The following GRIP1 variants were observed in gnomAD, a reference collection of about 807,000 sequenced individuals.
GRIP1 encodes the protein glutamate receptor interacting protein 1.
A neutral mutation model predicts 129.9 loss-of-function variants in GRIP1; 45 were observed. The observed-to-expected ratio is 0.35, with a 90% CI of 0.27 to 0.44. The LOEUF (loss-of-function observed/expected upper bound fraction) is 0.44. Among genes scored for constraint, GRIP1 ranks in the 20% least tolerant of loss-of-function variants. GRIP1 has a pLI of 1.00. For missense variants in GRIP1, 1,196 were observed against 1,396.8 expected (o/e 0.86, Z 2.29); for synonymous variants, 530 against 520.8 (o/e 1.02, Z -0.24).
At chr12:66,361,911 C>T (rs1389313274) in intron 23 of GRIP1, among the ~76,000 whole-genome samples, 1 of 152,108 alleles carries the variant, frequency 6.6e-6, no homozygotes, top group Non-Finnish European at 1.5e-5. Context: ...CACCCACCCT[C>T]GGGGCCTGTG....
At chr12:66,958,121 A>T (rs1475890269) in intron 1 of GRIP1, among the ~76,000 whole-genome samples, 7 of 152,138 alleles carry the variant, frequency 4.6e-5, no homozygotes, top group Non-Finnish European at 1.0e-4. Context: ...TTTGAATGAA[A>T]TACATGGATT....
At chr12:66,596,113 T>A (rs2064039054) in intron 2 of GRIP1, among the ~76,000 whole-genome samples, 1 of 152,248 alleles carries the variant, frequency 6.6e-6, no homozygotes, top group Admixed American at 6.5e-5. Flanking sequence ...TTAATGCTTT[T>A]AACTCTTCTA....
chr12:67,034,357 G>A lies in GRIP1; in HGVS notation c.58+34693C>T, dbSNP rs893050542. On this transcript the variant is annotated intron_variant, in intron 1 of 1. Coordinates refer to the GRIP1 transcript ENST00000643019. The stretch of plus-strand genomic sequence containing the variant: ...GCTTAACGACAGGGATAAGTTCTAC[G>A]AAATGCATTGTTGTGCAAACATCAT... Among the ~76,000 whole-genome samples, 16 of 152,246 alleles carry A rather than the reference G, an allele frequency of 1.1e-4. 2 individuals carry two copies. The South Asian group carries it at 1.2e-3, about 12-fold the overall frequency.
intron 1 of GRIP1, among the ~76,000 whole-genome samples, chr12:66,750,523 G>A (rs550100283): frequency 2.6e-5 from 4 of 152,270 alleles, no homozygotes; most frequent in Admixed American, 6.5e-5. Context: ...AGGGGAGGAG[G>A]TCACAGGTCC....
chr12:66,820,176 C>T (rs1307976190), intron 1 of GRIP1, among the ~76,000 whole-genome samples: 2 of 152,230 alleles, frequency 1.3e-5, no homozygotes, highest in African/African-American at 4.8e-5. Context: ...TTTGGAAGGC[C>T]GAGGTGGGCA....
intron 1 of GRIP1, among the ~76,000 whole-genome samples, chr12:66,636,730 TG>T (rs2031423740): frequency 2.1e-5 from 3 of 143,678 alleles, no homozygotes; most frequent in Admixed American, 6.8e-5. Context: ...TGTGTGTGTG[TG>T]TGTGTGTGTG....
chr12:66,977,244 CT>C (rs202219341), intron 1 of GRIP1, among the ~76,000 whole-genome samples: 114 of 127,480 alleles, frequency 8.9e-4, no homozygotes, highest in African/African-American at 2.9e-3. Flanking sequence ...TCTTTTTTTT[CT>C]TTTTTTTTAT....
chr12:66,784,075 G>C (rs1213096722), intron 1 of GRIP1, among the ~76,000 whole-genome samples: 1 of 152,010 alleles, frequency 6.6e-6, no homozygotes, highest in East Asian at 1.9e-4. Flanking sequence ...GGGACAGCAG[G>C]GAAAATGGAC....
chr12:66,937,152 A>G (rs1286625559), intron 1 of GRIP1, among the ~76,000 whole-genome samples: 8 of 152,132 alleles, frequency 5.3e-5, no homozygotes, highest in Admixed American at 3.9e-4. Context: ...CCTCCCCGAG[A>G]TACCTGAGTG....
chr12:66,354,995 C>T (rs1403532695), intron 23 of GRIP1, among the ~76,000 whole-genome samples: 4 of 152,104 alleles, frequency 2.6e-5, no homozygotes, highest in African/African-American at 7.2e-5. Context: ...ATGGTGGGGA[C>T]GTGTCTGTGA....
At chr12:66,699,545 T>A (rs1393895829) in intron 1 of GRIP1, among the ~76,000 whole-genome samples, 1 of 152,170 alleles carries the variant, frequency 6.6e-6, no homozygotes, top group Non-Finnish European at 1.5e-5. Flanking sequence ...ATGTAAGACA[T>A]GACTTTGCTC....
intron 1 of GRIP1, among the ~76,000 whole-genome samples, chr12:66,896,036 A>C (rs758559439): frequency 1.2e-4 from 18 of 152,170 alleles, no homozygotes; most frequent in Non-Finnish European, 2.2e-4. Flanking sequence ...TTTTAGACAA[A>C]GGCAGGCATG....
At chr12:66,774,606 G>A (rs1249736023) in intron 1 of GRIP1, among the ~76,000 whole-genome samples, 1 of 152,128 alleles carries the variant, frequency 6.6e-6, no homozygotes, top group Non-Finnish European at 1.5e-5. Context: ...AAACTTTGGA[G>A]ATTTCTTTTT....
chr12:67,000,434 C>G (rs1279582702), intron 1 of GRIP1, among the ~76,000 whole-genome samples: 1 of 152,134 alleles, frequency 6.6e-6, no homozygotes, highest in Admixed American at 6.6e-5. Flanking sequence ...TATTGTGTAT[C>G]TGCTAATGTG....
intron 22 of GRIP1, among the ~76,000 whole-genome samples, chr12:66,374,526 T>C (rs1253762715): frequency 2.0e-5 from 3 of 152,202 alleles, no homozygotes; most frequent in Non-Finnish European, 4.4e-5. Flanking sequence ...ACAGCACTCA[T>C]TGGTTGTTTT....
chr12:66,543,583 C>T (rs569283001), intron 2 of GRIP1, among the ~76,000 whole-genome samples: 8 of 152,226 alleles, frequency 5.3e-5, no homozygotes, highest in South Asian at 2.1e-4. Flanking sequence ...TGAAAACATA[C>T]GTAGATTCAA....
intron 2 of GRIP1, among the ~76,000 whole-genome samples, chr12:66,546,475 G>A (rs971945120): frequency 1.3e-5 from 2 of 152,110 alleles, no homozygotes; most frequent in African/African-American, 4.8e-5. Context: ...GGGCGATAGA[G>A]TGATACCCTG....
At chr12:66,422,711 A>T (rs1017024676) in intron 14 of GRIP1, among the ~76,000 whole-genome samples, 1 of 152,198 alleles carries the variant, frequency 6.6e-6, no homozygotes, top group Non-Finnish European at 1.5e-5. Context: ...TCTTGGTCAA[A>T]CCTACACAGC....
At position 66,962,984 on chromosome 12, in the gene GRIP1, T is replaced by C. The variant is rs545663809; in HGVS notation, c.58+106066A>G. ...AGCTGCAAGCACAAATGTTCATAACTGGAAACTTACTAAGTTTATAATCAA... is the reference window on the plus strand; with the variant it reads ...AGCTGCAAGCACAAATGTTCATAACCGGAAACTTACTAAGTTTATAATCAA... On this transcript the variant is annotated intron_variant, in intron 1 of 1. Coordinates refer to the GRIP1 transcript ENST00000643019. Among the ~76,000 whole-genome samples, 54 of 152,264 alleles carry C rather than the reference T, an allele frequency of 3.5e-4. No individual in the cohort carries two copies. In the South Asian group the frequency reaches 0.011, roughly 30 times the overall value.
Sources: allele counts gnomAD v4.1 joint callset (sites outside exome capture counted in the v4.1 genomes callset), GRCh38; gene constraint gnomAD v4.1.1; transcripts MANE v1.5; gene names NCBI Gene and HGNC (gene_info 2026-07-23, HGNC 2026-07-21).